PRDX1: variants seen among roughly 807,000 people sequenced by gnomAD.
PRDX1 encodes the protein peroxiredoxin-1.
Under a neutral mutation model 20.7 loss-of-function variants are expected in PRDX1, and 19 were observed. The observed-to-expected ratio is 0.92, with a 90% CI of 0.64 to 1.35. The LOEUF (loss-of-function observed/expected upper bound fraction) is 1.35, where lower values mean the gene tolerates loss of function less well. Ranked by LOEUF, PRDX1 falls within the 40% of genes most tolerant of loss-of-function variation. The pLI is 0.00. For missense variants in PRDX1, 226 were observed against 240.0 expected (o/e 0.94, Z 0.38); for synonymous variants, 89 against 83.9 (o/e 1.06, Z -0.33).
intron 4 of PRDX1, 70 bp downstream of exon 4, chr1:45,514,803 C>A: frequency 1.3e-6 from 2 of 1,596,400 alleles, no homozygotes; most frequent in South Asian, 1.1e-5. Context: ...GGAGTCTCTA[C>A]AGATCAGGGC....
intron 5 of PRDX1, among the ~76,000 whole-genome samples, chr1:45,514,103 T>A (rs1050774207): frequency 6.6e-6 from 1 of 152,188 alleles, no homozygotes; most frequent in African/African-American, 2.4e-5. Flanking sequence ...AGGTGGGACA[T>A]GCGGGCAGCA....
intron 1 of PRDX1, 118 bp from the exon 2 acceptor site, chr1:45,519,172 T>C (rs1643887195): frequency 1.5e-6 from 1 of 655,288 alleles, no homozygotes; most frequent in Non-Finnish European, 2.5e-6. Context: ...TGTCCCTGAA[T>C]ACATTAAATG....
chr1:45,516,949 A>C (rs1443919855), intron 2 of PRDX1, among the ~76,000 whole-genome samples: 1 of 149,838 alleles, frequency 6.7e-6, no homozygotes, highest in African/African-American at 2.5e-5. Flanking sequence ...TGAACCGGGG[A>C]GATGGAGGTC....
At chr1:45,515,897 G>A (rs947255888) in intron 2 of PRDX1, 90 bp from the exon 3 acceptor site, 8 of 1,289,250 alleles carry the variant, frequency 6.2e-6, no homozygotes, top group Non-Finnish European at 8.4e-6. Flanking sequence ...GTTGATGGCT[G>A]ACACAATAAC....
At chr1:45,522,182 A>G (rs113256977), upstream of PRDX1, among the ~76,000 whole-genome samples, 11 of 152,318 alleles carry the variant, frequency 7.2e-5, no homozygotes, top group African/African-American at 2.4e-4. Context: ...CTTTACTTCC[A>G]GGACCACTAC....
At position 45,514,518 on chromosome 1, in the gene PRDX1, T is replaced by C. The variant is rs777677321; in HGVS notation, c.503A>G (p.Lys168Arg). 22 of 1,614,034 alleles carry C rather than the reference T, an allele frequency of 1.4e-5. No homozygotes were observed. The highest frequency in any genetic ancestry group is 1.9e-5 in the Non-Finnish European group (22 of 1,180,028). Reference protein sequence around the residue: ...RLVQAFQFTDKHGEVCPAGWK... With the variant: ...RLVQAFQFTDRHGEVCPAGWK... ...GACAGATGGCTTACCTTCCCCATGT[T>C]TGTCAGTGAACTGGAAGGCCTGAAC... Residue 168 changes from lysine to arginine, a missense_variant, in exon 5 of 6, where the codon AAA (lysine) becomes AGA (arginine). By Grantham distance (26) the Lys-to-Arg change is conservative (BLOSUM62 2). Transcript: ENST00000319248.
upstream of PRDX1, chr1:45,522,075 T>C (rs1317064860): frequency 6.6e-6 from 1 of 152,232 alleles, no homozygotes; most frequent in African/African-American, 2.4e-5. Flanking sequence ...CCCCACCCTG[T>C]TGCGGATGGC....
chr1:45,519,078 G>C, intron 1 of PRDX1, 24 bp from the exon 2 acceptor site: 1 of 1,488,508 alleles, frequency 6.7e-7, no homozygotes, highest in Non-Finnish European at 9.2e-7. Context: ...AAATGAATTA[G>C]AAACAAGCCT....
rs529663622 is a variant in PRDX1, at chr1:45,521,436, T to C, written c.-12+393A>G. Among the ~76,000 whole-genome samples the C allele has an allele frequency of 4.5e-4, 69 of 152,212 alleles. No homozygotes were observed. The South Asian group carries it at 9.8e-3, about 22-fold the overall frequency. ...TCAGGACCCGGAACAGCCAAATACA[T>C]AGAGGCTGTCTTCTACAGCCACGAG... On this transcript the variant is annotated intron_variant, in intron 1 of 5. Coordinates refer to ENST00000319248, the MANE Select transcript of PRDX1 (RefSeq NM_181697.3).
intron 2 of PRDX1, among the ~76,000 whole-genome samples, chr1:45,516,840 G>A (rs1376321978): frequency 6.6e-6 from 1 of 151,938 alleles, no homozygotes; most frequent in Non-Finnish European, 1.5e-5. Context: ...TGACCAACAT[G>A]GTAAAACATG....
chr1:45,521,527 AG>A (rs1011113557), intron 1 of PRDX1: 2 of 152,342 alleles, frequency 1.3e-5, no homozygotes, highest in African/African-American at 4.8e-5. Flanking sequence ...CTAGTCTCGG[AG>A]ACCCCCACCA....
At chr1:45,520,479 T>C (rs1040108336) in intron 1 of PRDX1, among the ~76,000 whole-genome samples, 3 of 151,858 alleles carry the variant, frequency 2.0e-5, no homozygotes, top group Admixed American at 1.3e-4. Context: ...TCCCAGCACT[T>C]TGGGAGGCCG....
rs770218614 is a variant in PRDX1, at chr1:45,515,710, TTTCTTAAA to T, written c.196_203del (p.Phe66ThrfsTer24). ...AAGCACCAATCACTTGGCAGTTGAG[TTTCTTAAA>T]TTCTTCTGCCCTATCACTGAAAGCA... is the stretch of plus-strand genomic sequence containing the variant. On this transcript the variant is annotated frameshift_variant, in exon 3 of 6. Coordinates refer to ENST00000319248, the MANE Select transcript of PRDX1 (RefSeq NM_181697.3). LOFTEE classifies it high-confidence loss of function. The T allele has an allele frequency of 6.8e-6, 11 of 1,606,770 alleles. No individual in the cohort carries two copies. The highest frequency in any genetic ancestry group is 1.3e-5 in the African/African-American group (1 of 74,178).
rs978251178 is a variant in PRDX1 at position 45,521,813 on chromosome 1, C to G, written c.-12+16G>C. The G allele has an allele frequency of 1.3e-5, 2 of 152,648 alleles. No individual in the cohort carries two copies. The allele number at this position is 152,648 out of a possible 1,614,324, so 9.5% of individuals were successfully genotyped here. A position where few individuals can be genotyped will look rare whatever the true frequency, so the allele number is the denominator to read the frequency against. On this transcript the variant is annotated intron_variant, in intron 1 of 5. Transcript: ENST00000319248. ...GCCGCGCCTCACTCCGCAGGGGCCGCACTGCCCACACTCACCAGTCCCAAC... is the reference window on the plus strand; with the variant it reads ...GCCGCGCCTCACTCCGCAGGGGCCGGACTGCCCACACTCACCAGTCCCAAC...
In PRDX1 at chr1:45,521,372, C is replaced by T. The variant is rs1241028353; in HGVS notation, c.-12+457G>A. On this transcript the variant is annotated intron_variant, in intron 1 of 5. Coordinates refer to ENST00000319248, the MANE Select transcript of PRDX1 (RefSeq NM_181697.3). ...CATTCCACGTACAGGAAAATAAAGACGGGGAAAGGGTACCCGAAGCTCCGC... is the reference window on the plus strand; with the variant it reads ...CATTCCACGTACAGGAAAATAAAGATGGGGAAAGGGTACCCGAAGCTCCGC... Among the ~76,000 whole-genome samples, 3 of 152,168 alleles carry T rather than the reference C, an allele frequency of 2.0e-5. No homozygotes were observed. In the South Asian group the frequency reaches 6.2e-4, roughly 31 times the overall value.
At chr1:45,522,557 G>A (rs1643923557), upstream of PRDX1, among the ~76,000 whole-genome samples, 1 of 151,988 alleles carries the variant, frequency 6.6e-6, no homozygotes, top group African/African-American at 2.4e-5. Flanking sequence ...AGACCCACAC[G>A]GTAAGGCAAA....
upstream of PRDX1, among the ~76,000 whole-genome samples, chr1:45,522,109 G>C (rs998580718): frequency 6.6e-6 from 1 of 152,202 alleles, no homozygotes; most frequent in Non-Finnish European, 1.5e-5. Flanking sequence ...AGGCGCCCTT[G>C]TGGCCGCTCC....
chr1:45,515,721 C>T lies in PRDX1; in HGVS notation c.193G>A (p.Glu65Lys), dbSNP rs771022045. 8 of 1,600,664 alleles carry T rather than the reference C, an allele frequency of 5.0e-6. No individual in the cohort carries two copies. ...ACTTGGCAGTTGAGTTTCTTAAATT[C>T]TTCTGCCCTATCACTGAAAGCAATG... ...EIIAFSDRAE[E>K]FKKLNCQVIG... The change falls in exon 3 of 6, where the codon GAA becomes AAA. Residue 65 changes from glutamate to lysine, a missense_variant. Coordinates refer to ENST00000319248, the MANE Select transcript of PRDX1 (RefSeq NM_181697.3).
Position 45,514,601 on chromosome 1 carries a change from C to G in PRDX1, c.420G>C (p.Arg140=). Reference sequence around the variant, plus strand: ...CAGGGAGGTCATTTACAGTGATCTGCCGAAGAATACCCTTATCATCAATGA... The same window carrying G: ...CAGGGAGGTCATTTACAGTGATCTGGCGAAGAATACCCTTATCATCAATGA... ...LFIIDDKGIL[R]QITVNDLPVG... The change falls in exon 5 of 6, where the codon CGG becomes CGC. Residue 140 remains arginine, a synonymous_variant. Coordinates refer to ENST00000319248, the MANE Select transcript of PRDX1 (RefSeq NM_181697.3). The G allele has an allele frequency of 6.2e-7, 1 of 1,613,516 alleles. No homozygotes were observed. The highest frequency in any genetic ancestry group is 1.7e-5 in the Admixed American group (1 of 59,996).
Sources: gnomAD v4.1 joint callset for allele counts (sites outside exome capture counted in the v4.1 genomes callset) on GRCh38, gnomAD v4.1.1 for gene constraint, MANE v1.5 for transcripts, NCBI Gene and HGNC (gene_info 2026-07-23, HGNC 2026-07-21) for gene names.